HTR1F: variants seen among roughly 807,000 people sequenced by gnomAD.
HTR1F encodes the protein 5-hydroxytryptamine (serotonin) receptor 1F, G protein-coupled.
HTR1F carries 17 observed loss-of-function variants against 24.0 expected under a neutral mutation model. The ratio of observed to expected loss-of-function variants is 0.71; its 90% confidence interval spans 0.48 to 1.06. The LOEUF is 1.06. Ranked by LOEUF, HTR1F falls within the 50% of genes least tolerant of loss-of-function variation. The pLI is 0.00. For synonymous variants in HTR1F, 186 were observed against 156.8 expected (o/e 1.19, Z -1.39); for missense variants, 391 against 427.8 (o/e 0.91, Z 0.76).
intron 2 of HTR1F, among the ~76,000 whole-genome samples, chr3:87,956,783 C>T (rs1267750121): frequency 2.0e-5 from 3 of 151,270 alleles, no homozygotes; most frequent in Non-Finnish European, 3.0e-5. Context: ...CAATTATTTG[C>T]TATTATATAA....
chr3:87,933,880 C>T (rs1236858626), intron 2 of HTR1F, among the ~76,000 whole-genome samples: 2 of 152,140 alleles, frequency 1.3e-5, no homozygotes, highest in African/African-American at 4.8e-5. Flanking sequence ...CAGTAGCATG[C>T]TCTGCCAAGA....
chr3:87,929,061 T>A (rs1377404058), intron 2 of HTR1F, among the ~76,000 whole-genome samples: 2 of 152,212 alleles, frequency 1.3e-5, no homozygotes, highest in African/African-American at 4.8e-5. Flanking sequence ...AAAAAGGATA[T>A]AAAGTATGAC....
intron 1 of HTR1F, among the ~76,000 whole-genome samples, chr3:87,808,926 T>C (rs1318517573): frequency 6.6e-6 from 1 of 151,800 alleles, no homozygotes; most frequent in African/African-American, 2.4e-5. Context: ...TCTCTTTTTA[T>C]AGATTTCTAG....
chr3:87,950,535 GA>G (rs1179980118), intron 2 of HTR1F, among the ~76,000 whole-genome samples: 1 of 149,416 alleles, frequency 6.7e-6, no homozygotes, highest in Non-Finnish European at 1.5e-5. Context: ...ATTTATCTTA[GA>G]CCTCAATAAT....
At chr3:87,970,376 T>G (rs541428526) in intron 2 of HTR1F, among the ~76,000 whole-genome samples, 2 of 152,332 alleles carry the variant, frequency 1.3e-5, no homozygotes, top group African/African-American at 4.8e-5. Context: ...GAATTTACAT[T>G]TCTTAAAGTT....
At chr3:87,901,333 C>T (rs947219574) in intron 2 of HTR1F, among the ~76,000 whole-genome samples, 1 of 151,946 alleles carries the variant, frequency 6.6e-6, no homozygotes, top group African/African-American at 2.4e-5. Context: ...GAATGGCACC[C>T]TTATCAGAAG....
At chr3:87,794,605 C>T (rs546346030) in intron 1 of HTR1F, among the ~76,000 whole-genome samples, 1 of 152,290 alleles carries the variant, frequency 6.6e-6, no homozygotes, top group Admixed American at 6.5e-5. Flanking sequence ...CATTTATTCA[C>T]GCTTCATCCA....
intron 1 of HTR1F, among the ~76,000 whole-genome samples, 117 bp downstream of exon 1, chr3:87,792,959 G>A (rs1407688380): frequency 6.6e-6 from 1 of 152,346 alleles, no homozygotes; most frequent in African/African-American, 2.4e-5. Context: ...GCTTGCTCTC[G>A]GCGGAAACGC....
At chr3:87,815,903 C>T (rs1704241700) in intron 1 of HTR1F, among the ~76,000 whole-genome samples, 1 of 152,040 alleles carries the variant, frequency 6.6e-6, no homozygotes, top group South Asian at 2.1e-4. Flanking sequence ...TTTGCCTTTT[C>T]TGGTATATAA....
intron 2 of HTR1F, among the ~76,000 whole-genome samples, chr3:87,875,410 A>G (rs1308003522): frequency 6.6e-6 from 1 of 151,854 alleles, no homozygotes; most frequent in Non-Finnish European, 1.5e-5. Context: ...AGATCATACC[A>G]CTGCACTCCA....
At chr3:87,921,862 A>C (rs931177066) in intron 2 of HTR1F, among the ~76,000 whole-genome samples, 3 of 151,938 alleles carry the variant, frequency 2.0e-5, no homozygotes, top group African/African-American at 7.2e-5. Context: ...AAAGCCTTCA[A>C]GGTTTATCCA....
intron 2 of HTR1F, among the ~76,000 whole-genome samples, chr3:87,980,038 A>T: frequency 6.6e-6 from 1 of 152,138 alleles, no homozygotes; most frequent in East Asian, 1.9e-4. Flanking sequence ...TTCTCTCCTC[A>T]TTGCCCACAC....
chr3:87,863,211 C>T (rs1705355160), intron 2 of HTR1F, among the ~76,000 whole-genome samples: 1 of 152,196 alleles, frequency 6.6e-6, no homozygotes, highest in South Asian at 2.1e-4. Flanking sequence ...CAACCATACC[C>T]TCACTTGCTT....
intron 1 of HTR1F, among the ~76,000 whole-genome samples, chr3:87,799,110 A>G (rs796868465): frequency 2.6e-4 from 39 of 152,322 alleles, no homozygotes; most frequent in African/African-American, 9.1e-4. Context: ...CAATTAGCAG[A>G]CTCATTTAAG....
intron 1 of HTR1F, among the ~76,000 whole-genome samples, chr3:87,795,279 C>T (rs145595723): frequency 1.3e-5 from 2 of 152,262 alleles, no homozygotes; most frequent in East Asian, 1.9e-4. Flanking sequence ...CCACAGCGCC[C>T]GGCCAACTTA....
intron 2 of HTR1F, among the ~76,000 whole-genome samples, chr3:87,933,432 C>T (rs1210136542): frequency 4.6e-5 from 7 of 152,186 alleles, no homozygotes; most frequent in Non-Finnish European, 5.9e-5. Flanking sequence ...TTGCAGACGA[C>T]ATGATTGTAT....
At chr3:87,948,673 G>A (rs765492317) in intron 2 of HTR1F, among the ~76,000 whole-genome samples, 3 of 151,850 alleles carry the variant, frequency 2.0e-5, no homozygotes, top group African/African-American at 7.3e-5. Context: ...TGTAGAGAGG[G>A]TTCTGTCATG....
chr3:87,827,917 A>G (rs1013095887), intron 2 of HTR1F, among the ~76,000 whole-genome samples: 6 of 152,170 alleles, frequency 3.9e-5, no homozygotes, highest in Non-Finnish European at 8.8e-5. Context: ...TCCTGGGGTA[A>G]CTTAATGAAC....
chr3:87,837,482 C>T (rs540790262), intron 2 of HTR1F, among the ~76,000 whole-genome samples: 8 of 151,996 alleles, frequency 5.3e-5, no homozygotes, highest in South Asian at 4.1e-4. Flanking sequence ...GTTCACAATC[C>T]GGAAGCTGAA....
Sources: gnomAD v4.1 joint callset for allele counts (sites outside exome capture counted in the v4.1 genomes callset) on GRCh38, gnomAD v4.1.1 for gene constraint, MANE v1.5 for transcripts, NCBI Gene and HGNC (gene_info 2026-07-23, HGNC 2026-07-21) for gene names.